The following KLHL42 variants were observed in gnomAD, a reference collection of about 807,000 sequenced individuals.
KLHL42 encodes the protein kelch-like protein 42.
Under a neutral mutation model 32.7 loss-of-function variants are expected in KLHL42, and 27 were observed. That is an observed-to-expected ratio of 0.83 (90% CI 0.61 to 1.14). The LOEUF (loss-of-function observed/expected upper bound fraction) is 1.14. Ranked by LOEUF, KLHL42 falls within the 50% of genes most tolerant of loss-of-function variation. The pLI is 0.00. For synonymous variants in KLHL42, 267 were observed against 248.2 expected (o/e 1.08, Z -0.71); for missense variants, 491 against 560.8 (o/e 0.88, Z 1.26).
rs1354315436 is a variant in KLHL42 at position 27,780,989 on chromosome 12, T to C, written c.659T>C (p.Leu220Pro). The change falls in exon 1 of 3, where the codon CTC becomes CCC. Residue 220 changes from leucine (L) to proline (P), a missense_variant. Around this residue, in one of 4 missense-constraint regions of KLHL42, gnomAD observed 248 missense variants for 329.2 expected, o/e 0.75. Coordinates refer to ENST00000381271, the MANE Select transcript of KLHL42 (RefSeq NM_020782.2). This position sits in a 1 kb window ranked among gnomAD's most constrained non-coding sequence, Gnocchi z 8.8. Reference sequence around the variant, plus strand: ...TACCAGGGGGAGCCCCCGTCCATGCTCAGGTACGAGGAGATGACTGAGCGT... The same window carrying C: ...TACCAGGGGGAGCCCCCGTCCATGCCCAGGTACGAGGAGATGACTGAGCGT... Reference protein sequence around the residue: ...HPYQGEPPSMLRYEEMTERWF... With the variant: ...HPYQGEPPSMPRYEEMTERWF... 4 of 1,603,378 alleles carry C rather than the reference T, an allele frequency of 2.5e-6. No homozygotes were observed. Among genetic ancestry groups the C allele is most frequent in the Non-Finnish European group, 3.4e-6 (4 of 1,172,654 alleles).
Position 27,797,736 on chromosome 12 carries a change from A to G in KLHL42, c.1088A>G (p.Gln363Arg), listed in dbSNP as rs1170173616. The change falls in exon 3 of 3, where the codon CAG (glutamine) becomes CGG (arginine). Residue 363 changes from glutamine (Q) to arginine (R), a missense_variant. Coordinates refer to ENST00000381271, the MANE Select transcript of KLHL42 (RefSeq NM_020782.2). The part of the protein sequence containing the change: ...TTRDRNMNIL[Q>R]YCPSSDMWTL... ...TCAGACCGGAACATGAACATTTTGC[A>G]GTACTGCCCCTCTTCCGACATGTGG... 6 of 699,126 alleles carry G rather than the reference A, an allele frequency of 8.6e-6. No individual in the cohort carries two copies. Among genetic ancestry groups the G allele is most frequent in the African/African-American group, 5.3e-5 (3 of 56,544 alleles). The allele number at this position is 699,126 out of a possible 1,614,324, so 43.3% of individuals were successfully genotyped here. A position where few individuals can be genotyped will look rare whatever the true frequency, so the allele number is the denominator to read the frequency against.
chr12:27,783,618 G>A (rs1480414151), intron 1 of KLHL42, among the ~76,000 whole-genome samples: 1 of 152,020 alleles, frequency 6.6e-6, no homozygotes, highest in East Asian at 1.9e-4. Context: ...GTCTCGCTCT[G>A]TCGCCCAGGC....
chr12:27,797,162 A>G, intron 2 of KLHL42: 1 of 427,430 alleles, frequency 2.3e-6, no homozygotes, highest in Non-Finnish European at 4.6e-6. Context: ...CTGAATTGCC[A>G]AGTGGTTCTG....
In KLHL42 at chr12:27,802,500, T is replaced by A. The variant is rs1461229132; in HGVS notation, c.*4334T>A. 6.5e-6 allele frequency: 1 copy of A among 152,688 alleles called. No individual in the cohort carries two copies. The highest frequency in any genetic ancestry group is 2.4e-5 in the African/African-American group (1 of 41,472). The allele number at this position is 152,688 out of a possible 1,614,324, so 9.5% of individuals were successfully genotyped here. A position where few individuals can be genotyped will look rare whatever the true frequency, so the allele number is the denominator to read the frequency against. ...TTTTATTCACATGAGAGATTTTTTTTATTTTCTCTGTTGACTTAGGAACAC... is the reference window on the plus strand; with the variant it reads ...TTTTATTCACATGAGAGATTTTTTTAATTTTCTCTGTTGACTTAGGAACAC... On this transcript the variant is annotated 3_prime_UTR_variant, in exon 3 of 3. Coordinates refer to ENST00000381271, the MANE Select transcript of KLHL42 (RefSeq NM_020782.2).
At chr12:27,791,357 GCCTTCCC>G (rs2062196318) in intron 1 of KLHL42, among the ~76,000 whole-genome samples, 2 of 152,204 alleles carry the variant, frequency 1.3e-5, no homozygotes, top group African/African-American at 4.8e-5. Context: ...TGATGTGGGT[GCCTTCCC>G]CTCTTACCCT....
intron 2 of KLHL42, among the ~76,000 whole-genome samples, chr12:27,793,718 A>G (rs540844546): frequency 3.3e-5 from 5 of 152,284 alleles, no homozygotes; most frequent in Admixed American, 1.3e-4. Flanking sequence ...GTGTGACTCT[A>G]TGGAGCCCAG....
intron 1 of KLHL42, among the ~76,000 whole-genome samples, chr12:27,785,301 G>A (rs1374469543): frequency 6.6e-6 from 1 of 152,170 alleles, no homozygotes; most frequent in Non-Finnish European, 1.5e-5. Flanking sequence ...TTGGGCTCAA[G>A]CAATCCTCCT....
At position 27,785,719 on chromosome 12, in the gene KLHL42, G is replaced by A. The variant is rs577366619; in HGVS notation, c.872+4517G>A. ...TTGTTGTCTCTCTGCCTTCCGATCA[G>A]GAACTAGGACTTACTCAATGCTTAT... is the stretch of plus-strand genomic sequence containing the variant. On this transcript the variant is annotated intron_variant, in intron 1 of 2. Transcript: ENST00000381271. 8.7e-4 allele frequency among the ~76,000 whole-genome samples: 131 copies of A among 151,442 alleles called. 1 individual carries two copies. Among genetic ancestry groups the A allele is most frequent in the African/African-American group, 3.1e-3 (126 of 40,896 alleles).
intron 2 of KLHL42, 34 bp from the exon 3 acceptor site, chr12:27,797,681 A>T: frequency 1.5e-6 from 1 of 674,332 alleles, no homozygotes. Flanking sequence ...GTGTTAGTGG[A>T]GGCGGTGTCA....
intron 2 of KLHL42, 24 bp downstream of exon 2, chr12:27,791,925 G>T: frequency 6.2e-7 from 1 of 1,609,810 alleles, no homozygotes; most frequent in Non-Finnish European, 8.5e-7. Flanking sequence ...CCAGGTAGGT[G>T]GTCTGCCCAT....
chr12:27,789,949 CTT>C (rs1565483184), intron 1 of KLHL42, among the ~76,000 whole-genome samples: 1 of 152,280 alleles, frequency 6.6e-6, no homozygotes, highest in East Asian at 1.9e-4. Context: ...TTTAAAAAAT[CTT>C]AACTGTTTAG....
intron 2 of KLHL42, chr12:27,797,435 G>A: frequency 1.9e-6 from 1 of 527,040 alleles, no homozygotes. Flanking sequence ...GGATACCAGG[G>A]AGGAGGGGCT....
intron 2 of KLHL42, 110 bp from the exon 3 acceptor site, chr12:27,797,605 G>GT: frequency 3.1e-6 from 2 of 655,226 alleles, no homozygotes; most frequent in Non-Finnish European, 5.4e-6. Context: ...TTCTGAAAGA[G>GT]TTTTTTCTCT....
chr12:27,792,749 C>G (rs1463791438), intron 2 of KLHL42, among the ~76,000 whole-genome samples: 1 of 152,190 alleles, frequency 6.6e-6, no homozygotes, highest in Admixed American at 6.5e-5. Flanking sequence ...TCTGTAACTC[C>G]TGACCTCAGG....
intron 1 of KLHL42, among the ~76,000 whole-genome samples, chr12:27,784,652 A>G (rs367596543): frequency 1.3e-4 from 20 of 152,250 alleles, no homozygotes; most frequent in African/African-American, 4.6e-4. Context: ...AAATAAATAA[A>G]TAGATTTTGG....
rs2062139035 is a variant in KLHL42 at position 27,780,251 on chromosome 12, C to G, written c.-80C>G. On this transcript the variant is annotated 5_prime_UTR_variant, in exon 1 of 3. Coordinates refer to ENST00000381271, the MANE Select transcript of KLHL42 (RefSeq NM_020782.2). This position sits in a 1 kb window ranked among gnomAD's most constrained non-coding sequence, Gnocchi z 8.8. ...GGCCGCCATCCCTCGGCGCCCCGCCCGGAACCGGCGCGCGCGTAGGGGCTG... is the reference window on the plus strand; with the variant it reads ...GGCCGCCATCCCTCGGCGCCCCGCCGGGAACCGGCGCGCGCGTAGGGGCTG... 7.5e-7 allele frequency: 1 copy of G among 1,331,038 alleles called. No individual in the cohort carries two copies. Among genetic ancestry groups the G allele is most frequent in the African/African-American group, 1.5e-5 (1 of 64,656 alleles). The allele number at this position is 1,331,038 out of a possible 1,614,324, so 82.5% of individuals were successfully genotyped here.
At chr12:27,781,607 AC>A (rs1320041295) in intron 1 of KLHL42, among the ~76,000 whole-genome samples, 1 of 152,176 alleles carries the variant, frequency 6.6e-6, no homozygotes, top group Non-Finnish European at 1.5e-5. Context: ...TGTAACACTG[AC>A]TTTGGGGGAT....
At chr12:27,785,119 A>C (rs1238819394) in intron 1 of KLHL42, among the ~76,000 whole-genome samples, 1 of 152,186 alleles carries the variant, frequency 6.6e-6, no homozygotes, top group Non-Finnish European at 1.5e-5. Flanking sequence ...GCCCCACCAA[A>C]AGAGGGCTCC....
At chr12:27,791,252 C>CCTGTCTCGACAGCACCAGT (rs1342326251) in intron 1 of KLHL42, among the ~76,000 whole-genome samples, 1 of 152,140 alleles carries the variant, frequency 6.6e-6, no homozygotes, top group Non-Finnish European at 1.5e-5. Flanking sequence ...CTCGCACCTG[C>CCTGTCTCGACAGCACCAGT]CTGTCTCGAC....
Sources: allele counts gnomAD v4.1 joint callset (sites outside exome capture counted in the v4.1 genomes callset), GRCh38; gene constraint gnomAD v4.1.1; regional missense constraint gnomAD v4.1.1; non-coding constraint Gnocchi (gnomAD v3.1); transcripts MANE v1.5; gene names NCBI Gene and HGNC (gene_info 2026-07-23, HGNC 2026-07-21).